PPEF2: variants seen among roughly 807,000 people sequenced by gnomAD.
PPEF2 encodes the protein serine/threonine-protein phosphatase with EF-hands 2.
PPEF2 carries 84 observed loss-of-function variants against 84.7 expected under a neutral mutation model. The ratio of observed to expected loss-of-function variants is 0.99; its 90% confidence interval spans 0.83 to 1.19. PPEF2 has a LOEUF of 1.19. Ranked by LOEUF, PPEF2 falls within the 50% of genes most tolerant of loss-of-function variation. The pLI, the probability that PPEF2 is intolerant of heterozygous loss-of-function variation, is 0.00. For synonymous variants in PPEF2, 346 were observed against 345.2 expected (o/e 1.00, Z -0.03); for missense variants, 924 against 937.5 (o/e 0.99, Z 0.19).
chr4:75,874,965 G>A (rs1724373107), intron 11 of PPEF2, among the ~76,000 whole-genome samples: 1 of 148,422 alleles, frequency 6.7e-6, no homozygotes. Context: ...GCAGTGGCAC[G>A]ATCTCGGCTC....
At chr4:75,864,306 A>T in intron 16 of PPEF2, 134 bp downstream of exon 16, 1 of 665,736 alleles carries the variant, frequency 1.5e-6, no homozygotes, top group African/African-American at 1.8e-5. Flanking sequence ...TGTCATTTAT[A>T]AGCACTAATC....
intron 2 of PPEF2, among the ~76,000 whole-genome samples, chr4:75,894,803 G>A (rs993185177): frequency 3.3e-5 from 5 of 152,332 alleles, no homozygotes; most frequent in Admixed American, 1.3e-4. Flanking sequence ...AGCTGACCTA[G>A]AACTCAGTGA....
At position 75,891,888 on chromosome 4, in the gene PPEF2, T is replaced by G; in HGVS notation, c.146A>C (p.Gln49Pro). ...TTGCTGCCCAGCATATTCTATAGAC[T>G]GGAAGATGCTCCAGGTGCAACGCCG... ...MRRRCTWSIF[Q>P]SIEYAGQQDQ... Residue 49 changes from glutamine (Q) to proline (P), a missense_variant, in exon 3 of 17, where the codon CAG (glutamine) becomes CCG (proline). Physicochemically the swap from Gln to Pro is moderately conservative, Grantham distance 76 (BLOSUM62 -1). Transcript: ENST00000286719. 6.2e-7 allele frequency: 1 copy of G among 1,614,090 alleles called. No individual in the cohort carries two copies. The highest frequency in any genetic ancestry group is 8.5e-7 in the Non-Finnish European group (1 of 1,179,980).
intron 5 of PPEF2, 69 bp from the exon 6 acceptor site, chr4:75,888,397 T>C: frequency 8.3e-7 from 1 of 1,206,522 alleles, no homozygotes; most frequent in Non-Finnish European, 1.2e-6. Context: ...GGTCCTTACC[T>C]TTACTGCTTA....
At chr4:75,871,365 G>A (rs768372662) in intron 13 of PPEF2, among the ~76,000 whole-genome samples, 39 of 152,134 alleles carry the variant, frequency 2.6e-4, no homozygotes, top group Middle Eastern at 3.2e-3. Flanking sequence ...ACACAAACCC[G>A]TTAAAGATGA....
chr4:75,877,745 A>G (rs574513488), intron 10 of PPEF2, among the ~76,000 whole-genome samples: 10 of 151,940 alleles, frequency 6.6e-5, no homozygotes, highest in African/African-American at 2.2e-4. Flanking sequence ...CACACATGTC[A>G]CAGGGGGTTG....
intron 15 of PPEF2, 57 bp from the exon 16 acceptor site, chr4:75,864,584 A>G: frequency 7.9e-7 from 1 of 1,269,318 alleles, no homozygotes; most frequent in Non-Finnish European, 1.1e-6. Flanking sequence ...GTTCCAATAT[A>G]TAATTAACAC....
At position 75,873,207 on chromosome 4, in the gene PPEF2, G is replaced by A. The variant is rs752342470; in HGVS notation, c.1426C>T (p.Leu476=). The change falls in exon 12 of 17, where the codon CTA becomes TTA. Residue 476 remains leucine, a synonymous_variant. Coordinates refer to ENST00000286719, the MANE Select transcript of PPEF2 (RefSeq NM_006239.3). ...AGGAATTGCATGTTGTATTTTTGTA[G>A]CAACTGTTGTGTCACATCAGGCCCA... is the stretch of plus-strand genomic sequence containing the variant. ...YFGPDVTQQL[L]QKYNMQFLIR... The A allele has an allele frequency of 2.2e-5, 35 of 1,613,922 alleles. 1 individual carries two copies. In the Admixed American group the frequency reaches 3.0e-4, roughly 14 times the overall value.
rs756247232 is a variant in PPEF2 at position 75,876,455 on chromosome 4, C to T, written c.1152G>A (p.Arg384=). ...AGCTCCGCACCTGCCGGGAGAGCTCCCGCCCGTCCAGGGAACCGCTGCAGG... is the reference window on the plus strand; with the variant it reads ...AGCTCCGCACCTGCCGGGAGAGCTCTCGCCCGTCCAGGGAACCGCTGCAGG... ...SIPCSGSLDG[R]ELSRQVRSSV... is the part of the protein sequence containing the mutation. The change falls in exon 11 of 17, where the codon CGG becomes CGA. Residue 384 remains arginine (R), a synonymous_variant. Transcript: ENST00000286719. 2 of 1,613,916 alleles carry T rather than the reference C, an allele frequency of 1.2e-6. No individual in the cohort carries two copies. Among genetic ancestry groups the T allele is most frequent in the African/African-American group, 1.3e-5 (1 of 74,942 alleles).
At chr4:75,893,197 T>C (rs1180502751) in intron 2 of PPEF2, among the ~76,000 whole-genome samples, 2 of 152,196 alleles carry the variant, frequency 1.3e-5, no homozygotes, top group Non-Finnish European at 2.9e-5. Context: ...TGTAAAACCA[T>C]GTTCAGAATA....
At chr4:75,896,872 C>CTTTCTTT (rs1553909386) in intron 1 of PPEF2, among the ~76,000 whole-genome samples, 1 of 148,908 alleles carries the variant, frequency 6.7e-6, no homozygotes, top group African/African-American at 2.5e-5. Context: ...ATAGGCCACA[C>CTTTCTTT]CTTTCTTTCT....
In PPEF2 at chr4:75,891,989, G is replaced by A. The variant is rs774482359; in HGVS notation, c.56-11C>T. ...CTGCTGCCTTGAAGGCTATGACACC[G>A]ATGGAGAAGCAAGCCTGTGAGCTCG... On this transcript the variant is annotated splice_polypyrimidine_tract_variant and intron_variant, in intron 2 of 16. Coordinates refer to ENST00000286719, the MANE Select transcript of PPEF2 (RefSeq NM_006239.3). 11 of 1,609,742 alleles carry A rather than the reference G, an allele frequency of 6.8e-6. No homozygotes were observed. The highest frequency in any genetic ancestry group is 1.1e-5 in the South Asian group (1 of 90,970).
At position 75,860,873 on chromosome 4, in the gene PPEF2, A is replaced by G. The variant is rs758096580; in HGVS notation, c.2056T>C (p.Ser686Pro). Residue 686 changes from serine to proline, a missense_variant, in exon 17 of 17, where the codon TCT becomes CCT. Transcript: ENST00000286719. Reference sequence around the variant, plus strand: ...TCTGTAATGTCGATATTCATGTGAGAGCTGAACAGCTTCCAGGTCTGCCTG... The same window carrying G: ...TCTGTAATGTCGATATTCATGTGAGGGCTGAACAGCTTCCAGGTCTGCCTG... ...EFRQTWKLFSSHMNIDITDDC... is the reference protein window; with the variant it reads ...EFRQTWKLFSPHMNIDITDDC... The G allele has an allele frequency of 3.7e-6, 6 of 1,614,214 alleles. No individual in the cohort carries two copies. The highest frequency in any genetic ancestry group is 1.6e-4 in the Middle Eastern group (1 of 6,062).
At chr4:75,863,502 A>T (rs113131641) in intron 16 of PPEF2, among the ~76,000 whole-genome samples, 1 of 242 alleles carries the variant, frequency 4.1e-3, no homozygotes. Context: ...TCCGTCTCAA[A>T]AAAAAAAAAA....
chr4:75,869,627 A>G (rs7669792), intron 13 of PPEF2, among the ~76,000 whole-genome samples: 150,688 of 152,224 alleles, frequency 0.99, 74,604 homozygotes, highest in East Asian at 1. Flanking sequence ...CAGGAGGATC[A>G]CTTGAGCTCA....
At chr4:75,861,007 C>CCTA (rs1042432727) in intron 16 of PPEF2, 87 bp from the exon 17 acceptor site, 29 of 1,447,052 alleles carry the variant, frequency 2.0e-5, no homozygotes, top group African/African-American at 2.8e-5. Context: ...ACACCTGCTC[C>CCTA]CTACTGCTCA....
At chr4:75,876,841 A>G (rs1462960354) in intron 10 of PPEF2, among the ~76,000 whole-genome samples, 168 bp from the exon 11 acceptor site, 3 of 151,414 alleles carry the variant, frequency 2.0e-5, no homozygotes, top group Non-Finnish European at 4.4e-5. Context: ...CCGTGTCTCT[A>G]CAAAAAATAC....
At chr4:75,879,941 G>T (rs979357922) in intron 10 of PPEF2, among the ~76,000 whole-genome samples, 1 of 151,702 alleles carries the variant, frequency 6.6e-6, no homozygotes, top group African/African-American at 2.4e-5. Flanking sequence ...CAATTCTCCT[G>T]CCTCAGCCTC....
intron 4 of PPEF2, 53 bp from the exon 5 acceptor site, chr4:75,890,185 T>A: frequency 1.3e-6 from 2 of 1,594,886 alleles, no homozygotes; most frequent in Non-Finnish European, 1.7e-6. Context: ...TCATGCAGTC[T>A]GTGGGCACTA....
Sources: allele counts gnomAD v4.1 joint callset (sites outside exome capture counted in the v4.1 genomes callset), GRCh38; gene constraint gnomAD v4.1.1; transcripts MANE v1.5; gene names NCBI Gene and HGNC (gene_info 2026-07-23, HGNC 2026-07-21).